UBE2U: variants seen among roughly 807,000 people sequenced by gnomAD.
UBE2U encodes ubiquitin-conjugating enzyme E2 U.
Under a neutral mutation model 41.2 loss-of-function variants are expected in UBE2U, and 39 were observed. That is an observed-to-expected ratio of 0.95 (90% confidence interval 0.73 to 1.24). The LOEUF is 1.24. UBE2U is among the 50% of genes most tolerant of loss of function. UBE2U has a pLI of 0.00. For missense variants in UBE2U, 336 were observed against 363.1 expected (o/e 0.93, Z 0.61); for synonymous variants, 107 against 117.8 (o/e 0.91, Z 0.60).
intron 3 of UBE2U, among the ~76,000 whole-genome samples, chr1:64,208,896 ATTG>A (rs541641345): frequency 4.1e-4 from 62 of 152,296 alleles, no homozygotes; most frequent in Admixed American, 1.8e-3. Context: ...TTGAAAATAC[ATTG>A]TTAAGTGAAA....
intron 6 of UBE2U, among the ~76,000 whole-genome samples, chr1:64,223,767 CA>C (rs1468036862): frequency 6.6e-6 from 1 of 152,052 alleles, no homozygotes; most frequent in East Asian, 1.9e-4. Context: ...GACAAGTTTT[CA>C]TAGGAGGTGA....
At chr1:64,264,377 C>T (rs962930917) in intron 9 of UBE2U, among the ~76,000 whole-genome samples, 2 of 152,196 alleles carry the variant, frequency 1.3e-5, no homozygotes, top group Non-Finnish European at 2.9e-5. Context: ...TTCCAACCAC[C>T]AAATCCAAGG....
intron 8 of UBE2U, among the ~76,000 whole-genome samples, chr1:64,257,346 G>C (rs1039043802): frequency 1.1e-4 from 16 of 152,130 alleles, no homozygotes; most frequent in African/African-American, 3.9e-4. Flanking sequence ...CAAGAGCAAA[G>C]ACATGGAATC....
rs112247622 is a variant in UBE2U, at chr1:64,235,119, A to C, written c.595+2470A>C. ...AAGAATAATTAAAAAATGGAAGGAA[A>C]TAATAAGGCACCACTGACCACAGTT... On this transcript the variant is annotated intron_variant, in intron 7 of 9. Coordinates refer to ENST00000371077, the MANE Select transcript of UBE2U (RefSeq NM_001366232.2). Among the ~76,000 whole-genome samples the C allele has an allele frequency of 4.8e-3, 737 of 152,348 alleles. 5 individuals carry two copies. The highest frequency in any genetic ancestry group is 0.017 in the African/African-American group (710 of 41,582).
intron 8 of UBE2U, among the ~76,000 whole-genome samples, chr1:64,243,814 A>G (rs904958021): frequency 6.8e-6 from 1 of 146,502 alleles, no homozygotes; most frequent in African/African-American, 2.5e-5. Context: ...TAGAGCTAGG[A>G]TTTTGTCAGT....
intron 7 of UBE2U, among the ~76,000 whole-genome samples, chr1:64,237,601 G>A (rs1427600174): frequency 6.6e-6 from 1 of 152,140 alleles, no homozygotes; most frequent in African/African-American, 2.4e-5. Context: ...ACAATTGGCT[G>A]TGTGTGGGAG....
intron 6 of UBE2U, among the ~76,000 whole-genome samples, chr1:64,225,970 T>A (rs1415284550): frequency 6.6e-6 from 1 of 152,246 alleles, no homozygotes. Flanking sequence ...TCTTATAATG[T>A]CAAACATTAC....
intron 8 of UBE2U, among the ~76,000 whole-genome samples, chr1:64,243,716 C>CT (rs984959010): frequency 5.3e-5 from 8 of 152,134 alleles, no homozygotes; most frequent in Admixed American, 2.0e-4. Flanking sequence ...ACACTGAATT[C>CT]TTTTTTCTCA....
intron 8 of UBE2U, among the ~76,000 whole-genome samples, chr1:64,246,805 A>T (rs1644929047): frequency 6.6e-6 from 1 of 152,204 alleles, no homozygotes; most frequent in South Asian, 2.1e-4. Flanking sequence ...TTCATAAAGA[A>T]GATGTGCAGA....
intron 3 of UBE2U, among the ~76,000 whole-genome samples, chr1:64,208,013 A>G (rs1018794428): frequency 2.0e-5 from 3 of 152,248 alleles, no homozygotes; most frequent in Non-Finnish European, 4.4e-5. Flanking sequence ...TGGACAGAAT[A>G]AACAACAAAA....
At chr1:64,228,855 ATTTTT>A (rs56873849) in intron 6 of UBE2U, among the ~76,000 whole-genome samples, 2 of 93,896 alleles carry the variant, frequency 2.1e-5, no homozygotes, top group Non-Finnish European at 1.9e-5. Context: ...TGCCCAGGTA[ATTTTT>A]TTTTTTTTTT....
At chr1:64,211,430 A>ATTTT (rs1553165940) in intron 4 of UBE2U, among the ~76,000 whole-genome samples, 10 of 151,856 alleles carry the variant, frequency 6.6e-5, no homozygotes, top group Admixed American at 3.9e-4. Flanking sequence ...GTGTTGTGCT[A>ATTTT]TTTCTTTTCT....
At chr1:64,239,079 AGG>A (rs1491234568) in intron 7 of UBE2U, among the ~76,000 whole-genome samples, 2 of 62,140 alleles carry the variant, frequency 3.2e-5, no homozygotes, top group Admixed American at 2.3e-4. Flanking sequence ...GAAGAGGAAG[AGG>A]AAGAGGAAGA....
At chr1:64,223,855 C>T (rs1442924024) in intron 6 of UBE2U, among the ~76,000 whole-genome samples, 3 of 152,186 alleles carry the variant, frequency 2.0e-5, no homozygotes, top group Non-Finnish European at 4.4e-5. Context: ...GCAGAGGGAA[C>T]AGCACATTCA....
chr1:64,215,425 C>A (rs1402482621), intron 5 of UBE2U: 3 of 152,918 alleles, frequency 2.0e-5, no homozygotes, highest in African/African-American at 7.2e-5. Context: ...TCAGTGTGAT[C>A]CTTTTTTAAA....
intron 8 of UBE2U, among the ~76,000 whole-genome samples, chr1:64,254,046 T>C (rs1173244891): frequency 6.6e-6 from 1 of 151,902 alleles, no homozygotes; most frequent in Non-Finnish European, 1.5e-5. Flanking sequence ...ACACATAGGC[T>C]CAAAATAAAG....
chr1:64,263,814 G>A (rs2100558847), intron 9 of UBE2U, among the ~76,000 whole-genome samples: 1 of 152,198 alleles, frequency 6.6e-6, no homozygotes, highest in Non-Finnish European at 1.5e-5. Context: ...CCTCAGATAT[G>A]GCATTTTCAC....
intron 6 of UBE2U, among the ~76,000 whole-genome samples, chr1:64,223,658 G>C (rs1652650578): frequency 6.6e-6 from 1 of 152,166 alleles, no homozygotes; most frequent in Non-Finnish European, 1.5e-5. Context: ...ATATAATATA[G>C]TAAGTGCTAT....
At chr1:64,218,927 C>T (rs1487602779) in intron 5 of UBE2U, among the ~76,000 whole-genome samples, 3 of 152,152 alleles carry the variant, frequency 2.0e-5, no homozygotes, top group African/African-American at 7.2e-5. Context: ...GTTTTGGGAG[C>T]CCTCTTTCCT....
Sources: allele counts gnomAD v4.1 joint callset (sites outside exome capture counted in the v4.1 genomes callset), GRCh38; gene constraint gnomAD v4.1.1; transcripts MANE v1.5; gene names NCBI Gene and HGNC (gene_info 2026-07-23, HGNC 2026-07-21).